Variants in CFAP96 observed in about 807,000 individuals in gnomAD.
CFAP96 encodes the protein cilia-and flagella-associated protein 96.
the CFAP96 span, chr4:185,426,127 A>C: frequency 1.8e-6 from 1 of 555,482 alleles, no homozygotes; most frequent in African/African-American, 1.9e-5. Context: ...AAGCTCACAC[A>C]TCCTTCTGTG....
the CFAP96 span, chr4:185,436,255 A>G: frequency 6.5e-7 from 1 of 1,545,554 alleles, no homozygotes; most frequent in African/African-American, 1.4e-5. Flanking sequence ...TGAATTCTGA[A>G]GTCACCATTA....
the CFAP96 span, among the ~76,000 whole-genome samples, chr4:185,412,031 G>A: frequency 6.6e-6 from 1 of 152,212 alleles, no homozygotes. Flanking sequence ...GTGTCGAGGA[G>A]GCAGAGGAGT....
chr4:185,426,193 G>A, the CFAP96 span: 9 of 411,608 alleles, frequency 2.2e-5, no homozygotes, highest in African/African-American at 4.0e-5. Flanking sequence ...TGCTTGGAAT[G>A]GATTCTCCCG....
At chr4:185,441,808 C>T in the CFAP96 span, among the ~76,000 whole-genome samples, 1 of 151,554 alleles carries the variant, frequency 6.6e-6, no homozygotes, top group South Asian at 2.1e-4. Context: ...ACACTTTGGG[C>T]AGGGGGTGAA....
At chr4:185,429,448 A>G in the CFAP96 span, 1 of 1,538,696 alleles carries the variant, frequency 6.5e-7, no homozygotes, top group Non-Finnish European at 8.7e-7. Context: ...CATGGAAAGG[A>G]TTGGCCTCTT....
the CFAP96 span, chr4:185,431,949 C>G: frequency 6.7e-7 from 1 of 1,484,256 alleles, no homozygotes; most frequent in Non-Finnish European, 9.1e-7. Context: ...CTAGTCAGCT[C>G]AAAATTATAA....
chr4:185,409,376 G>C, the CFAP96 span, among the ~76,000 whole-genome samples: 4 of 151,884 alleles, frequency 2.6e-5, no homozygotes, highest in African/African-American at 9.7e-5. Flanking sequence ...ATTTTTTTGA[G>C]ATTGGGTCAC....
chr4:185,442,588 G>T, the CFAP96 span, among the ~76,000 whole-genome samples: 1 of 151,810 alleles, frequency 6.6e-6, no homozygotes, highest in African/African-American at 2.4e-5. Flanking sequence ...AAATAATTTT[G>T]CTCCCCCTGC....
the CFAP96 span, among the ~76,000 whole-genome samples, chr4:185,443,081 T>C: frequency 7.2e-5 from 11 of 151,824 alleles, no homozygotes; most frequent in Non-Finnish European, 5.9e-5. Flanking sequence ...TCTATAGCAG[T>C]TTAATAGCAT....
At chr4:185,423,871 C>T in the CFAP96 span, among the ~76,000 whole-genome samples, 1 of 152,118 alleles carries the variant, frequency 6.6e-6, no homozygotes, top group Admixed American at 6.6e-5. Flanking sequence ...CGGGAGATTT[C>T]TTTTGGGAAG....
the CFAP96 span, among the ~76,000 whole-genome samples, chr4:185,447,911 A>G: frequency 6.6e-6 from 1 of 152,238 alleles, no homozygotes; most frequent in African/African-American, 2.4e-5. Flanking sequence ...AGGTGAAATG[A>G]ATAGTCCTTC....
At chr4:185,438,888 C>A in the CFAP96 span, among the ~76,000 whole-genome samples, 1 of 152,190 alleles carries the variant, frequency 6.6e-6, no homozygotes, top group African/African-American at 2.4e-5. Flanking sequence ...ATGGCAACCA[C>A]CACAATTCCC....
At chr4:185,410,359 A>T in the CFAP96 span, among the ~76,000 whole-genome samples, 1 of 152,222 alleles carries the variant, frequency 6.6e-6, no homozygotes, top group African/African-American at 2.4e-5. Flanking sequence ...ATTAGAAAAT[A>T]AGAAAGCTGT....
chr4:185,424,539 G>A, the CFAP96 span, among the ~76,000 whole-genome samples: 3 of 152,162 alleles, frequency 2.0e-5, no homozygotes, highest in South Asian at 4.1e-4. Flanking sequence ...TTATTCTAAG[G>A]AAACAATCAA....
the CFAP96 span, among the ~76,000 whole-genome samples, chr4:185,433,431 T>G: frequency 6.6e-6 from 1 of 151,178 alleles, no homozygotes; most frequent in Non-Finnish European, 1.5e-5. Flanking sequence ...AAAGTAATGT[T>G]CATTCACACT....
the CFAP96 span, among the ~76,000 whole-genome samples, chr4:185,445,944 C>G: frequency 1.3e-5 from 2 of 152,090 alleles, no homozygotes; most frequent in Admixed American, 6.5e-5. Flanking sequence ...CAGGTTCAAG[C>G]GATTCTCCTG....
chr4:185,420,502 AAAAT>A, the CFAP96 span, among the ~76,000 whole-genome samples: 10 of 152,168 alleles, frequency 6.6e-5, no homozygotes, highest in Non-Finnish European at 1.2e-4. Flanking sequence ...GAGTATTTAA[AAAAT>A]AAATAAATAA....
the CFAP96 span, among the ~76,000 whole-genome samples, chr4:185,420,415 A>T: frequency 1.3e-5 from 2 of 152,186 alleles, no homozygotes; most frequent in Non-Finnish European, 2.9e-5. Flanking sequence ...TTCAATACTC[A>T]TCTTAGCCTT....
At chr4:185,411,333 C>G in the CFAP96 span, among the ~76,000 whole-genome samples, 4 of 151,556 alleles carry the variant, frequency 2.6e-5, no homozygotes. Context: ...TACCAAATGA[C>G]CAAGGAAAGA....
Sources: gnomAD v4.1 joint callset for allele counts (sites outside exome capture counted in the v4.1 genomes callset) on GRCh38, gnomAD v4.1.1 for gene constraint, MANE v1.5 for transcripts, NCBI Gene and HGNC (gene_info 2026-07-23, HGNC 2026-07-21) for gene names.